Variants in NTRK2 observed in about 807,000 individuals in gnomAD.
NTRK2 encodes the protein BDNF/NT-3 growth factors receptor.
NTRK2 carries 13 observed loss-of-function variants against 94.5 expected under a neutral mutation model. The observed-to-expected ratio is 0.14, with a 90% CI of 0.09 to 0.22. The LOEUF is 0.22. Among genes scored for constraint, NTRK2 ranks in the 10% least tolerant of loss-of-function variants. The pLI is 1.00. For missense variants in NTRK2, 639 were observed against 1,071.2 expected, an observed-to-expected ratio of 0.60 and a Z score of 5.63; for synonymous variants, 372 against 407.4, an observed-to-expected ratio of 0.91 and a Z score of 1.05.
rs1011419831 is a variant in NTRK2 at position 84,888,977 on chromosome 9, C to T, written c.1633+21546C>T. ...AACTTTCCCCATTATTTATTAATGACAGAAATTTTTTTTTTTTTTTTTTTT... is the reference window on the plus strand; with the variant it reads ...AACTTTCCCCATTATTTATTAATGATAGAAATTTTTTTTTTTTTTTTTTTT... On this transcript the variant is annotated intron_variant, in intron 14 of 18. Coordinates refer to ENST00000277120, the MANE Select transcript of NTRK2 (RefSeq NM_006180.6). Among the ~76,000 whole-genome samples the T allele has an allele frequency of 3.4e-4, 38 of 110,254 alleles. 1 individual carries two copies. The highest frequency in any genetic ancestry group is 1.4e-3 in the African/African-American group (35 of 25,482). 72.3% of individuals were successfully genotyped at this position (110,254 alleles called of 152,430 possible).
At chr9:84,705,479 A>G (rs1317902283) in intron 4 of NTRK2, among the ~76,000 whole-genome samples, 1 of 151,884 alleles carries the variant, frequency 6.6e-6, no homozygotes, top group African/African-American at 2.4e-5. Flanking sequence ...GGCTCATAAA[A>G]CTCATCTTGT....
rs188600387 is a variant in NTRK2, at chr9:84,810,783, C to T, written c.1397-50257C>T. ...GAGCTGTGATTGGGGAACACCAATG[C>T]AGAGGTAACTCTCAGGCAGCTAAGC... On this transcript the variant is annotated intron_variant, in intron 12 of 18. Coordinates refer to ENST00000277120, the MANE Select transcript of NTRK2 (RefSeq NM_006180.6). 1.5e-5 allele frequency: 21 copies of T among 1,420,226 alleles called. No individual in the cohort carries two copies. In the Admixed American group the frequency reaches 3.0e-4, roughly 20 times the overall value. 88.0% of individuals were successfully genotyped at this position (1,420,226 alleles called of 1,614,324 possible).
intron 16 of NTRK2, among the ~76,000 whole-genome samples, chr9:84,950,847 T>G (rs556514405): frequency 3.3e-5 from 5 of 152,208 alleles, no homozygotes; most frequent in Non-Finnish European, 7.3e-5. Flanking sequence ...TGCCACAATT[T>G]CCTCTTCATT....
At chr9:84,814,525 A>G in intron 12 of NTRK2, 2 of 1,065,976 alleles carry the variant, frequency 1.9e-6, no homozygotes, top group Non-Finnish European at 2.3e-6. Flanking sequence ...GTTTCACAGA[A>G]TTAGAACACA....
chr9:84,997,845 C>A (rs994563862), intron 17 of NTRK2, among the ~76,000 whole-genome samples: 6 of 152,176 alleles, frequency 3.9e-5, no homozygotes, highest in Non-Finnish European at 8.8e-5. Flanking sequence ...TGTGGCTTAA[C>A]CCCCTCGCTG....
At chr9:84,887,023 C>T (rs1413804012) in intron 14 of NTRK2, among the ~76,000 whole-genome samples, 1 of 152,040 alleles carries the variant, frequency 6.6e-6, no homozygotes, top group Non-Finnish European at 1.5e-5. Flanking sequence ...TGTCTAAACG[C>T]GCTGAGGGTA....
chr9:84,867,636 A>C (rs1283159919), intron 14 of NTRK2, among the ~76,000 whole-genome samples: 1 of 152,140 alleles, frequency 6.6e-6, no homozygotes, highest in East Asian at 1.9e-4. Context: ...CTGGGAAGGG[A>C]ACTGTGGGCA....
At chr9:84,724,873 G>A (rs967775806) in intron 8 of NTRK2, among the ~76,000 whole-genome samples, 13 of 152,032 alleles carry the variant, frequency 8.6e-5, no homozygotes, top group African/African-American at 2.9e-4. Context: ...TATTATCACC[G>A]GTAGAAAACT....
chr9:84,775,295 C>A (rs780239236), intron 12 of NTRK2, among the ~76,000 whole-genome samples: 18 of 152,220 alleles, frequency 1.2e-4, no homozygotes, highest in Non-Finnish European at 2.2e-4. Flanking sequence ...GGTGACAGAG[C>A]GGGGACAACT....
chr9:84,843,411 G>A lies in NTRK2; in HGVS notation c.1397-17629G>A, dbSNP rs115422153. On this transcript the variant is annotated intron_variant, in intron 12 of 18. Coordinates refer to ENST00000277120, the MANE Select transcript of NTRK2 (RefSeq NM_006180.6). ...CTTTCTCACCTTTCACTTTCCTTCCGTTAGAGGTGGCTCCCACTGCCCTTC... is the reference window on the plus strand; with the variant it reads ...CTTTCTCACCTTTCACTTTCCTTCCATTAGAGGTGGCTCCCACTGCCCTTC... Among the ~76,000 whole-genome samples the A allele has an allele frequency of 5.9e-3, 893 of 152,210 alleles. 14 individuals are homozygous for A. The highest frequency in any genetic ancestry group is 0.02 in the African/African-American group (824 of 41,504).
intron 17 of NTRK2, among the ~76,000 whole-genome samples, chr9:84,973,826 C>T (rs367950097): frequency 2.2e-4 from 34 of 152,114 alleles, no homozygotes; most frequent in Middle Eastern, 6.3e-3. Context: ...AAAATATTGT[C>T]TTCACAGAGA....
chr9:84,728,951 G>A (rs1564141274), intron 9 of NTRK2, among the ~76,000 whole-genome samples: 2 of 152,210 alleles, frequency 1.3e-5, no homozygotes, highest in Non-Finnish European at 2.9e-5. Context: ...TTTGGATGTT[G>A]GGAGCTGTAC....
intron 17 of NTRK2, among the ~76,000 whole-genome samples, chr9:84,967,094 C>G (rs895906728): frequency 6.6e-6 from 1 of 152,154 alleles, no homozygotes; most frequent in Admixed American, 6.5e-5. Context: ...AGTTAGTAAA[C>G]GAAGTGCTAT....
intron 12 of NTRK2, among the ~76,000 whole-genome samples, chr9:84,839,875 A>G (rs1010045253): frequency 3.9e-5 from 6 of 152,018 alleles, no homozygotes; most frequent in African/African-American, 9.7e-5. Flanking sequence ...CGGATGAAGG[A>G]CTCTGGGAAG....
intron 9 of NTRK2, among the ~76,000 whole-genome samples, chr9:84,739,849 G>A (rs1399100897): frequency 6.6e-6 from 1 of 152,126 alleles, no homozygotes; most frequent in Admixed American, 6.5e-5. Context: ...GGGATGGTTG[G>A]CCACCCTACT....
intron 14 of NTRK2, among the ~76,000 whole-genome samples, chr9:84,920,629 A>G (rs1377153960): frequency 2.6e-5 from 4 of 152,162 alleles, no homozygotes; most frequent in Admixed American, 6.5e-5. Context: ...CTTCTACTCT[A>G]TGTTTCATGC....
chr9:84,956,136 A>T (rs186085030), intron 17 of NTRK2, among the ~76,000 whole-genome samples: 1 of 152,342 alleles, frequency 6.6e-6, no homozygotes, highest in Non-Finnish European at 1.5e-5. Context: ...CCTTTGTTTG[A>T]GATTTGAACA....
intron 14 of NTRK2, among the ~76,000 whole-genome samples, chr9:84,925,313 T>G: frequency 6.6e-6 from 1 of 151,614 alleles, no homozygotes; most frequent in East Asian, 1.9e-4. Context: ...GGAGCCATGG[T>G]GCTGTCTCTA....
chr9:84,678,543 G>A (rs1477322041), intron 2 of NTRK2, among the ~76,000 whole-genome samples: 2 of 152,176 alleles, frequency 1.3e-5, no homozygotes, highest in African/African-American at 2.4e-5. Context: ...GCCTATGCCT[G>A]AATTGTCTGA....
Sources: gnomAD v4.1 joint callset for allele counts (sites outside exome capture counted in the v4.1 genomes callset) on GRCh38, gnomAD v4.1.1 for gene constraint, MANE v1.5 for transcripts, NCBI Gene and HGNC (gene_info 2026-07-23, HGNC 2026-07-21) for gene names.